DOCK3: variants seen among roughly 807,000 people sequenced by gnomAD.
The protein encoded by DOCK3 is dedicator of cytokinesis 3.
In DOCK3, 60 loss-of-function variants were observed where a neutral mutation model predicts 265.6. That is an observed-to-expected ratio of 0.23 (90% confidence interval 0.18 to 0.28). DOCK3 has a LOEUF of 0.28. Ranked by LOEUF, DOCK3 falls within the 10% of genes least tolerant of loss-of-function variation. DOCK3 has a pLI of 1.00. For missense variants in DOCK3, 1,981 were observed against 2,594.3 expected (o/e 0.76, Z 5.14); for synonymous variants, 881 against 938.0 (o/e 0.94, Z 1.11).
chr3:51,224,724 C>T (rs2090249086), intron 14 of DOCK3, among the ~76,000 whole-genome samples: 1 of 151,730 alleles, frequency 6.6e-6, no homozygotes, highest in South Asian at 2.1e-4. Flanking sequence ...GTTGCCCCCA[C>T]AGCGTTTTAC....
At chr3:50,909,225 T>C (rs1039955319) in intron 4 of DOCK3, among the ~76,000 whole-genome samples, 2 of 152,152 alleles carry the variant, frequency 1.3e-5, no homozygotes, top group East Asian at 3.8e-4. Context: ...TTAAGTTTAA[T>C]ACTGTTATGT....
At chr3:50,902,674 C>T (rs891702096) in intron 4 of DOCK3, among the ~76,000 whole-genome samples, 8 of 152,182 alleles carry the variant, frequency 5.3e-5, no homozygotes, top group African/African-American at 1.4e-4. Context: ...CTTTTTGTTT[C>T]ATAGGAATTT....
chr3:51,105,641 T>G (rs1304146401), intron 9 of DOCK3, among the ~76,000 whole-genome samples: 1 of 152,174 alleles, frequency 6.6e-6, no homozygotes, highest in Non-Finnish European at 1.5e-5. Context: ...AGCATTATGT[T>G]GTGTGAAAGA....
rs899064866 is a variant in DOCK3 at position 51,360,520 on chromosome 3, G to C, written c.4894G>C (p.Gly1632Arg). Residue 1632 changes from glycine (G) to arginine (R), a missense_variant, in exon 47 of 53, where the codon GGT becomes CGT. Gly to Arg is a moderately radical substitution (Grantham distance 125). This residue lies in a region of DOCK3 where 1,357 missense variants were observed against 1,866.8 expected (regional missense o/e 0.73). Coordinates refer to ENST00000266037, the MANE Select transcript of DOCK3 (RefSeq NM_004947.5). Reference sequence around the variant, plus strand: ...ATTCATTTCTCAACAGGAGTTTCCAGGTTTGGATAAGCTAAGTCCTGCATG... The same window carrying C: ...ATTCATTTCTCAACAGGAGTTTCCACGTTTGGATAAGCTAAGTCCTGCATG... ...MRASLYHEFP[G>R]LDKLSPACSG... The C allele has an allele frequency of 6.2e-7, 1 of 1,610,718 alleles. No homozygotes were observed. The highest frequency in any genetic ancestry group is 8.5e-7 in the Non-Finnish European group (1 of 1,178,464).
intron 1 of DOCK3, among the ~76,000 whole-genome samples, chr3:50,701,577 G>T (rs944737202): frequency 6.6e-6 from 1 of 152,158 alleles, no homozygotes; most frequent in Non-Finnish European, 1.5e-5. Flanking sequence ...CTGTGCAGAA[G>T]CTTTTAATTT....
At chr3:50,677,565 C>CT (rs1254396668) in intron 1 of DOCK3, among the ~76,000 whole-genome samples, 1 of 152,108 alleles carries the variant, frequency 6.6e-6, no homozygotes, top group Admixed American at 6.5e-5. Flanking sequence ...AGATTTGTGT[C>CT]TTTGTTTGTC....
At chr3:51,063,275 G>T (rs2081485133) in intron 5 of DOCK3, among the ~76,000 whole-genome samples, 1 of 152,110 alleles carries the variant, frequency 6.6e-6, no homozygotes, top group Non-Finnish European at 1.5e-5. Context: ...GAGTTGAGGG[G>T]ATTGCTCAAG....
At chr3:51,031,742 G>GA (rs2080056360) in intron 5 of DOCK3, among the ~76,000 whole-genome samples, 1 of 152,172 alleles carries the variant, frequency 6.6e-6, no homozygotes, top group African/African-American at 2.4e-5. Context: ...GGGGTTAAAA[G>GA]AAATACCTCC....
At chr3:51,247,892 C>T (rs1185263085) in intron 22 of DOCK3, among the ~76,000 whole-genome samples, 3 of 152,216 alleles carry the variant, frequency 2.0e-5, no homozygotes, top group Non-Finnish European at 4.4e-5. Flanking sequence ...AGAACCCTAG[C>T]ACCTGTCAGG....
intron 10 of DOCK3, among the ~76,000 whole-genome samples, chr3:51,152,874 C>T (rs1370511769): frequency 1.3e-5 from 2 of 152,166 alleles, no homozygotes; most frequent in Admixed American, 6.5e-5. Flanking sequence ...CTGGAGGCTT[C>T]ATCTCAGAGG....
chr3:50,920,442 T>A lies in DOCK3; in HGVS notation c.219-13539T>A, dbSNP rs533038560. Among the ~76,000 whole-genome samples, 31 of 152,338 alleles carry A rather than the reference T, an allele frequency of 2.0e-4. 1 individual carries two copies. In the South Asian group the frequency reaches 2.1e-3, roughly 10 times the overall value. ...AATTTCAGAGCCTATTATTGGTCTA[T>A]TCAGGGATTCACCTTCTTCCTGGTT... is the stretch of plus-strand genomic sequence containing the variant. On this transcript the variant is annotated intron_variant, in intron 4 of 52. Coordinates refer to ENST00000266037, the MANE Select transcript of DOCK3 (RefSeq NM_004947.5).
Position 51,237,567 on chromosome 3 carries a change from C to T in DOCK3, c.2079C>T (p.His693=). 1 of 1,613,588 alleles carries T rather than the reference C, an allele frequency of 6.2e-7. No homozygotes were observed. The highest frequency in any genetic ancestry group is 8.5e-7 in the Non-Finnish European group (1 of 1,179,768). The part of the protein sequence containing the change: ...RPVMDTYIQK[H]FAGALAYKEL... ...TGATGGACACGTATATCCAGAAGCACTTTGCTGGAGCTCTGGCATACAAGT... is the reference window on the plus strand; with the variant it reads ...TGATGGACACGTATATCCAGAAGCATTTTGCTGGAGCTCTGGCATACAAGT... Residue 693 remains histidine, a synonymous_variant, in exon 21 of 53, where the codon CAC becomes CAT. Coordinates refer to ENST00000266037, the MANE Select transcript of DOCK3 (RefSeq NM_004947.5).
rs59659600 is a variant in DOCK3 at position 51,178,028 on chromosome 3, T to TAAA, written c.1037+17337_1037+17339dup. 6.1e-3 allele frequency among the ~76,000 whole-genome samples: 836 copies of TAAA among 138,058 alleles called. 11 individuals are homozygous for TAAA. The highest frequency in any genetic ancestry group is 0.019 in the African/African-American group (713 of 37,438). 90.6% of individuals were successfully genotyped at this position (138,058 alleles called of 152,430 possible). On this transcript the variant is annotated intron_variant, in intron 12 of 52. Coordinates refer to ENST00000266037, the MANE Select transcript of DOCK3 (RefSeq NM_004947.5). ...ACAAACAAAAAAAAACTCAAAATAG[T>TAAA]AAAAAAAAAAAAAGTCTCAAAATAG... is the stretch of plus-strand genomic sequence containing the variant.
chr3:50,785,711 C>T (rs1266709492), intron 2 of DOCK3, among the ~76,000 whole-genome samples: 8 of 152,006 alleles, frequency 5.3e-5, no homozygotes, highest in African/African-American at 1.4e-4. Flanking sequence ...GATTCAGTTA[C>T]GTAGTGTTTT....
At chr3:51,186,200 A>T (rs1398480531) in intron 12 of DOCK3, among the ~76,000 whole-genome samples, 2 of 152,202 alleles carry the variant, frequency 1.3e-5, no homozygotes, top group Non-Finnish European at 2.9e-5. Flanking sequence ...TTGGTATCAG[A>T]TGGAAATGAG....
At chr3:50,690,135 CTTT>C (rs540586646) in intron 1 of DOCK3, among the ~76,000 whole-genome samples, 3 of 139,728 alleles carry the variant, frequency 2.1e-5, no homozygotes, top group Admixed American at 7.2e-5. Context: ...CTATTTTTAC[CTTT>C]TTTTTTTTTT....
At chr3:51,368,845 C>T (rs2087457743) in intron 49 of DOCK3, among the ~76,000 whole-genome samples, 1 of 152,232 alleles carries the variant, frequency 6.6e-6, no homozygotes, top group Non-Finnish European at 1.5e-5. Flanking sequence ...GGGTGCCCCT[C>T]TGAGACAAAG....
intron 27 of DOCK3, among the ~76,000 whole-genome samples, chr3:51,291,105 T>G (rs536773281): frequency 1.3e-5 from 2 of 152,120 alleles, no homozygotes; most frequent in South Asian, 4.1e-4. Context: ...AAATAATATC[T>G]GGAGATAAAA....
chr3:51,304,549 C>T (rs1018557140), intron 27 of DOCK3, among the ~76,000 whole-genome samples: 1 of 152,196 alleles, frequency 6.6e-6, no homozygotes, highest in Admixed American at 6.5e-5. Context: ...GCTGAGTGGC[C>T]GCTGAGAATC....
Sources: gnomAD v4.1 joint callset for allele counts (sites outside exome capture counted in the v4.1 genomes callset) on GRCh38, gnomAD v4.1.1 for gene constraint, gnomAD v4.1.1 regional missense constraint, MANE v1.5 for transcripts, NCBI Gene and HGNC (gene_info 2026-07-23, HGNC 2026-07-21) for gene names.